IMMT: variants seen among roughly 807,000 people sequenced by gnomAD.
IMMT encodes MICOS complex subunit MIC60.
In IMMT, 40 loss-of-function variants were observed where a neutral mutation model predicts 92.7. That is an observed-to-expected ratio of 0.43 (90% CI 0.34 to 0.56). The LOEUF is 0.56. IMMT is among the 20% of genes least tolerant of loss of function. The pLI is 0.03. For missense variants in IMMT, 831 were observed against 912.1 expected (o/e 0.91, Z 1.14); for synonymous variants, 322 against 336.1 (o/e 0.96, Z 0.46).
At chr2:86,155,072 AG>A (rs1675758288) in intron 10 of IMMT, among the ~76,000 whole-genome samples, 1 of 152,258 alleles carries the variant, frequency 6.6e-6, no homozygotes, top group Admixed American at 6.5e-5. Context: ...CATATCGGCC[AG>A]GCCGGTCTTG....
At chr2:86,149,810 G>C (rs916835671) in intron 12 of IMMT, among the ~76,000 whole-genome samples, 2 of 151,102 alleles carry the variant, frequency 1.3e-5, no homozygotes, top group African/African-American at 4.9e-5. Context: ...AACCTGGGAG[G>C]CAGAGGTTGC....
At chr2:86,170,906 G>T in intron 5 of IMMT, 62 bp from the exon 6 acceptor site, 4 of 1,268,956 alleles carry the variant, frequency 3.2e-6, no homozygotes, top group South Asian at 1.3e-5. Context: ...TAGCTAACAG[G>T]GATATAAAAA....
At chr2:86,151,868 A>G (rs1365981411) in intron 11 of IMMT, among the ~76,000 whole-genome samples, 1 of 152,196 alleles carries the variant, frequency 6.6e-6, no homozygotes, top group African/African-American at 2.4e-5. Context: ...TTCAGGCATA[A>G]CTCTGATTAG....
chr2:86,179,043 A>G (rs1317865621), intron 3 of IMMT, among the ~76,000 whole-genome samples: 1 of 152,228 alleles, frequency 6.6e-6, no homozygotes, highest in Non-Finnish European at 1.5e-5. Context: ...CCTGGTTAAC[A>G]AGGGTGAAAC....
chr2:86,173,887 C>A, intron 3 of IMMT, 126 bp from the exon 4 acceptor site: 1 of 579,650 alleles, frequency 1.7e-6, no homozygotes, highest in Non-Finnish European at 3.0e-6. Flanking sequence ...CACTTTGTAA[C>A]ATATGTATTT....
intron 14 of IMMT, 38 bp from the exon 15 acceptor site, chr2:86,144,919 T>G: frequency 6.5e-7 from 1 of 1,548,272 alleles, no homozygotes; most frequent in Non-Finnish European, 8.7e-7. Flanking sequence ...CATTTTTCTC[T>G]CCATCTGACA....
chr2:86,167,969 G>A (rs533932464), intron 6 of IMMT, among the ~76,000 whole-genome samples: 54 of 152,034 alleles, frequency 3.6e-4, no homozygotes, highest in Non-Finnish European at 5.4e-4. Context: ...AACAACAATC[G>A]TAACAGGGAA....
Position 86,144,303 on chromosome 2 carries a change from C to G in IMMT, c.2242G>C (p.Val748Leu). ...TGCACCTGAGTGGTTCCTATTCCTACGGCGCTGGCATATGCTGTCAGGATT... is the reference window on the plus strand; with the variant it reads ...TGCACCTGAGTGGTTCCTATTCCTAGGGCGCTGGCATATGCTGTCAGGATT... ...VEILTAYASAVGIGTTQVQPE is the reference protein window; with the variant it reads ...VEILTAYASALGIGTTQVQPE Residue 748 changes from valine (V) to leucine (L), a missense_variant, in exon 15 of 15, where the codon GTA becomes CTA. Transcript: ENST00000410111. 1 of 1,613,938 alleles carries G rather than the reference C, an allele frequency of 6.2e-7. No homozygotes were observed. Among genetic ancestry groups the G allele is most frequent in the Non-Finnish European group, 8.5e-7 (1 of 1,179,870 alleles).
intron 1 of IMMT, chr2:86,195,133 C>A (rs765199141): frequency 9.5e-5 from 48 of 507,852 alleles, no homozygotes; most frequent in Non-Finnish European, 1.6e-4. Context: ...CCACACCCCA[C>A]CCCGCTGCTG....
intron 1 of IMMT, 105 bp downstream of exon 1, chr2:86,195,233 G>C: frequency 4.8e-6 from 6 of 1,259,396 alleles, no homozygotes; most frequent in Non-Finnish European, 5.3e-6. Flanking sequence ...TGGCCCTGAG[G>C]CTCGCCTTTG....
At chr2:86,152,298 G>C (rs568758851) in intron 11 of IMMT, among the ~76,000 whole-genome samples, 1 of 151,812 alleles carries the variant, frequency 6.6e-6, no homozygotes, top group African/African-American at 2.4e-5. Context: ...AAAATTAGCT[G>C]GGCATGATGG....
intron 11 of IMMT, 46 bp downstream of exon 11, chr2:86,153,514 T>C (rs1301853683): frequency 1.7e-6 from 2 of 1,197,066 alleles, no homozygotes; most frequent in Non-Finnish European, 2.3e-6. Flanking sequence ...AGTCTCTTAA[T>C]ACCCAAAACA....
chr2:86,186,722 G>A (rs1304127020), intron 1 of IMMT, among the ~76,000 whole-genome samples: 3 of 152,206 alleles, frequency 2.0e-5, no homozygotes, highest in Admixed American at 6.5e-5. Flanking sequence ...CTATCTGACT[G>A]CAACTTCATG....
chr2:86,193,762 C>T (rs1413282359), intron 1 of IMMT, among the ~76,000 whole-genome samples: 1 of 152,122 alleles, frequency 6.6e-6, no homozygotes, highest in Non-Finnish European at 1.5e-5. Context: ...AAGAATTTTA[C>T]AAGACAGCAA....
At chr2:86,191,951 G>T (rs1262532083) in intron 1 of IMMT, among the ~76,000 whole-genome samples, 1 of 151,906 alleles carries the variant, frequency 6.6e-6, no homozygotes, top group Non-Finnish European at 1.5e-5. Context: ...ATCTTCCTAG[G>T]CTGGGCACTA....
At chr2:86,187,093 A>G (rs992190514) in intron 1 of IMMT, among the ~76,000 whole-genome samples, 3 of 152,092 alleles carry the variant, frequency 2.0e-5, no homozygotes, top group African/African-American at 7.2e-5. Context: ...AAAATGTACA[A>G]TTCCACGGTA....
chr2:86,177,147 TCCAC>T (rs1016006823), intron 3 of IMMT, among the ~76,000 whole-genome samples: 1 of 152,138 alleles, frequency 6.6e-6, no homozygotes, highest in African/African-American at 2.4e-5. Context: ...GGACAGTAAG[TCCAC>T]CCAGTTTCTA....
At chr2:86,188,985 T>C (rs905176581) in intron 1 of IMMT, among the ~76,000 whole-genome samples, 1 of 152,308 alleles carries the variant, frequency 6.6e-6, no homozygotes, top group Middle Eastern at 3.4e-3. Flanking sequence ...TTGCCAAACA[T>C]AAGGTCTGTC....
chr2:86,191,914 CA>C (rs1673150681), intron 1 of IMMT, among the ~76,000 whole-genome samples: 2 of 150,142 alleles, frequency 1.3e-5, no homozygotes, highest in African/African-American at 2.5e-5. Context: ...GACTCCATCT[CA>C]AAAAAAATTA....
Sources: gnomAD v4.1 joint callset for allele counts (sites outside exome capture counted in the v4.1 genomes callset) on GRCh38, gnomAD v4.1.1 for gene constraint, MANE v1.5 for transcripts, NCBI Gene and HGNC (gene_info 2026-07-23, HGNC 2026-07-21) for gene names.